Variants in COL12A1 observed in about 807,000 individuals in gnomAD.
The protein encoded by COL12A1 is collagen type XII alpha 1 chain.
In COL12A1, 114 loss-of-function variants were observed where a neutral mutation model predicts 349.7. The ratio of observed to expected loss-of-function variants is 0.33; its 90% CI spans 0.28 to 0.38. COL12A1 has a LOEUF of 0.38. COL12A1 is among the 10% of genes least tolerant of loss of function. The probability of loss-of-function intolerance (pLI) is 1.00; values close to 1 mark genes in which losing one functional copy is unlikely to be tolerated. For missense variants in COL12A1, 3,284 were observed against 3,756.9 expected (o/e 0.87, Z 3.29); for synonymous variants, 1,369 against 1,329.0 (o/e 1.03, Z -0.66).
chr6:75,085,271 G>C lies in COL12A1; in HGVS notation c.*1276C>G, dbSNP rs138961174. The C allele has an allele frequency of 8.5e-6, 4 of 470,860 alleles. No homozygotes were observed. The highest frequency in any genetic ancestry group is 1.5e-5 in the South Asian group (1 of 64,578). 29.2% of individuals were successfully genotyped at this position (470,860 alleles called of 1,614,324 possible). Reference sequence around the variant, plus strand: ...GCTCCTCTGCAGGCTCGTCTGCGCCGTAGTCCTCGTATTCCGCTGTCCGCT... The same window carrying C: ...GCTCCTCTGCAGGCTCGTCTGCGCCCTAGTCCTCGTATTCCGCTGTCCGCT... On this transcript the variant is annotated 3_prime_UTR_variant, in exon 66 of 66. Transcript: ENST00000322507.
At chr6:75,142,370 C>T (rs1287028683) in intron 26 of COL12A1, among the ~76,000 whole-genome samples, 1 of 152,196 alleles carries the variant, frequency 6.6e-6, no homozygotes, top group African/African-American at 2.4e-5. Flanking sequence ...TCATATGGCA[C>T]ATGACTCTCT....
At chr6:75,174,548 T>C (rs964613823) in intron 13 of COL12A1, among the ~76,000 whole-genome samples, 1 of 152,000 alleles carries the variant, frequency 6.6e-6, no homozygotes, top group Non-Finnish European at 1.5e-5. Flanking sequence ...AGAGCGAGAC[T>C]CTGTCTCACA....
chr6:75,188,557 A>G (rs1174429429), intron 7 of COL12A1, 22 bp from the exon 8 acceptor site: 1 of 1,605,376 alleles, frequency 6.2e-7, no homozygotes, highest in East Asian at 2.2e-5. Context: ...AAGGATAAGG[A>G]CATATTGAAA....
chr6:75,193,840 C>G (rs1489675064), intron 3 of COL12A1, among the ~76,000 whole-genome samples: 1 of 150,960 alleles, frequency 6.6e-6, no homozygotes, highest in Non-Finnish European at 1.5e-5. Flanking sequence ...GGTTTTTTGT[C>G]TTTGCAACAG....
chr6:75,133,498 C>T, intron 33 of COL12A1, 76 bp from the exon 34 acceptor site: 1 of 1,424,634 alleles, frequency 7.0e-7, no homozygotes, highest in Non-Finnish European at 9.6e-7. Context: ...TAACACAATA[C>T]CAACTCAAGA....
intron 2 of COL12A1, among the ~76,000 whole-genome samples, chr6:75,200,091 T>C (rs992562301): frequency 1.4e-4 from 22 of 152,176 alleles, no homozygotes; most frequent in Non-Finnish European, 2.9e-4. Context: ...GAGTCCCAAG[T>C]TGAAATTTTG....
intron 14 of COL12A1, among the ~76,000 whole-genome samples, chr6:75,157,758 T>A (rs1024607629): frequency 1.3e-5 from 2 of 151,914 alleles, no homozygotes; most frequent in Admixed American, 1.3e-4. Context: ...TCAGTGCACA[T>A]GTGTAAGAAA....
At chr6:75,126,043 A>G (rs1765997365) in intron 39 of COL12A1, among the ~76,000 whole-genome samples, 1 of 152,156 alleles carries the variant, frequency 6.6e-6, no homozygotes. Context: ...TATTGATGTA[A>G]TATGCATTAT....
chr6:75,119,328 A>G (rs1769240260), intron 45 of COL12A1, 22 bp downstream of exon 45: 2 of 1,607,934 alleles, frequency 1.2e-6, no homozygotes, highest in African/African-American at 2.7e-5. Context: ...CTTGAAGAGT[A>G]AAGGTCTACA....
chr6:75,104,194 G>A (rs1419179414), intron 54 of COL12A1, among the ~76,000 whole-genome samples: 1 of 152,098 alleles, frequency 6.6e-6, no homozygotes, highest in Non-Finnish European at 1.5e-5. Context: ...ATTAGAACAT[G>A]TACTTAACAG....
intron 58 of COL12A1, among the ~76,000 whole-genome samples, chr6:75,101,152 A>G (rs887916873): frequency 6.6e-6 from 1 of 152,152 alleles, no homozygotes; most frequent in Admixed American, 6.5e-5. Context: ...AAGGCCTAGA[A>G]GTGGTATTTG....
At chr6:75,168,840 A>G (rs1768461409) in intron 13 of COL12A1, among the ~76,000 whole-genome samples, 1 of 152,198 alleles carries the variant, frequency 6.6e-6, no homozygotes, top group South Asian at 2.1e-4. Flanking sequence ...CAAAATAAAG[A>G]CAGGTATGGT....
chr6:75,181,026 G>T lies in COL12A1; in HGVS notation c.2077C>A (p.Pro693Thr). 1 of 1,614,002 alleles carries T rather than the reference G, an allele frequency of 6.2e-7. No individual in the cohort carries two copies. The highest frequency in any genetic ancestry group is 8.5e-7 in the Non-Finnish European group (1 of 1,180,000). ...STSVVLSSLK[P>T]ETLYLVNVTA... is the part of the protein sequence containing the mutation. ...ACATTGACCAAATACAAGGTCTCTG[G>T]CTTCAGGCTGCTGAGAACAACACTG... Residue 693 changes from proline (P) to threonine (T), a missense_variant, in exon 11 of 66, where the codon CCA (proline) becomes ACA (threonine). Coordinates refer to ENST00000322507, the MANE Select transcript of COL12A1 (RefSeq NM_004370.6).
At chr6:75,143,226 C>A in intron 26 of COL12A1, 26 bp downstream of exon 26, 2 of 1,611,590 alleles carry the variant, frequency 1.2e-6, no homozygotes, top group South Asian at 2.2e-5. Flanking sequence ...CAAATATTTT[C>A]ATATCTACTA....
Position 75,165,593 on chromosome 6 carries a change from T to A in COL12A1, c.2897A>T (p.Gln966Leu). ...DAIHTMIENL[Q>L]PETKYRISVF... ...TGAAATTCTGTATTTGGTCTCTGGC[T>A]GCAGATTTTCTATCATCGTATGAAT... The change falls in exon 14 of 66, where the codon CAG becomes CTG. Residue 966 changes from glutamine to leucine, a missense_variant. This residue lies in a region of COL12A1 where 2,601 missense variants were observed against 2,824.8 expected (regional missense o/e 0.92). Coordinates refer to ENST00000322507, the MANE Select transcript of COL12A1 (RefSeq NM_004370.6). 1 of 1,614,034 alleles carries A rather than the reference T, an allele frequency of 6.2e-7. No homozygotes were observed. The highest frequency in any genetic ancestry group is 8.5e-7 in the Non-Finnish European group (1 of 1,179,916).
intron 3 of COL12A1, 43 bp from the exon 4 acceptor site, chr6:75,192,398 T>C: frequency 6.5e-7 from 1 of 1,542,934 alleles, no homozygotes; most frequent in Non-Finnish European, 8.9e-7. Flanking sequence ...ACAAAACATT[T>C]TTCACATATA....
Position 75,136,886 on chromosome 6 carries a change from C to T in COL12A1, c.5394+551G>A, listed in dbSNP as rs964179807. ...GAGAAAGAGGATGAAGACTGAGTTT[C>T]GAGTCCTACCATCTTTCTTGGGGAC... On this transcript the variant is annotated intron_variant, in intron 31 of 65. Coordinates refer to ENST00000322507, the MANE Select transcript of COL12A1 (RefSeq NM_004370.6). Among the ~76,000 whole-genome samples the T allele has an allele frequency of 1.1e-4, 16 of 152,180 alleles. No individual in the cohort carries two copies. In the South Asian group the frequency reaches 2.9e-3, roughly 28 times the overall value.
At chr6:75,173,277 T>C (rs566384338) in intron 13 of COL12A1, among the ~76,000 whole-genome samples, 1 of 152,354 alleles carries the variant, frequency 6.6e-6, no homozygotes, top group East Asian at 1.9e-4. Flanking sequence ...ACTCTTCTAG[T>C]TGTAAGTACT....
intron 46 of COL12A1, among the ~76,000 whole-genome samples, chr6:75,118,107 A>G (rs1012516320): frequency 8.5e-5 from 13 of 152,164 alleles, no homozygotes; most frequent in African/African-American, 1.2e-4. Flanking sequence ...ACATCAGGGG[A>G]AAAAAAGCTA....
Sources: gnomAD v4.1 joint callset for allele counts (sites outside exome capture counted in the v4.1 genomes callset) on GRCh38, gnomAD v4.1.1 for gene constraint, gnomAD v4.1.1 regional missense constraint, MANE v1.5 for transcripts, NCBI Gene and HGNC (gene_info 2026-07-23, HGNC 2026-07-21) for gene names.